Variants in INSR observed in about 807,000 individuals in gnomAD.
INSR encodes insulin receptor, also known as IR.
Under a neutral mutation model 142.6 loss-of-function variants are expected in INSR, and 67 were observed. That is an observed-to-expected ratio of 0.47 (90% CI 0.39 to 0.58). INSR has a LOEUF of 0.58. Ranked by LOEUF, INSR falls within the 20% of genes least tolerant of loss-of-function variation. INSR has a pLI of 0.00. For missense variants in INSR, 1,248 were observed against 1,833.2 expected, an observed-to-expected ratio of 0.68 and a Z score of 5.83; for synonymous variants, 756 against 743.1, an observed-to-expected ratio of 1.02 and a Z score of -0.28.
At chr19:7,213,487 GC>G (rs1160193838) in intron 2 of INSR, among the ~76,000 whole-genome samples, 5 of 152,022 alleles carry the variant, frequency 3.3e-5, no homozygotes, top group Non-Finnish European at 5.9e-5. Flanking sequence ...ATTCTCTCTT[GC>G]AGGTCCTTTA....
intron 2 of INSR, among the ~76,000 whole-genome samples, chr19:7,189,826 G>T (rs1287646286): frequency 6.6e-6 from 1 of 151,910 alleles, no homozygotes; most frequent in Non-Finnish European, 1.5e-5. Context: ...ACCATGCCTG[G>T]ATAATTTTTG....
At chr19:7,209,475 G>C (rs1342085793) in intron 2 of INSR, among the ~76,000 whole-genome samples, 1 of 152,018 alleles carries the variant, frequency 6.6e-6, no homozygotes, top group Non-Finnish European at 1.5e-5. Flanking sequence ...TGTCACCCAG[G>C]CTGCCTATCA....
rs935523253 is a variant in INSR, at chr19:7,150,618, G to A, written c.2232-86C>T. ...GCTCTGACACTTGGAGGCCACATGTGTCCGAGTAAGGGCACCCTGGCTTTG... is the reference window on the plus strand; with the variant it reads ...GCTCTGACACTTGGAGGCCACATGTATCCGAGTAAGGGCACCCTGGCTTTG... On this transcript the variant is annotated intron_variant, in intron 10 of 21. Coordinates refer to ENST00000302850, the MANE Select transcript of INSR (RefSeq NM_000208.4). The surrounding 1 kb of genome is among the most constrained non-coding windows in gnomAD (Gnocchi z 4.2). The A allele has an allele frequency of 3.0e-6, 4 of 1,319,884 alleles. No homozygotes were observed. The highest frequency in any genetic ancestry group is 1.4e-5 in the African/African-American group (1 of 69,246). 81.8% of individuals were successfully genotyped at this position (1,319,884 alleles called of 1,614,324 possible). A position where few individuals can be genotyped will look rare whatever the true frequency, so the allele number is the denominator to read the frequency against.
In INSR at chr19:7,119,779, C is replaced by T. The variant is rs375179509; in HGVS notation, c.3660-196G>A. 3.4e-4 allele frequency among the ~76,000 whole-genome samples: 52 copies of T among 151,720 alleles called. No homozygotes were observed. The highest frequency in any genetic ancestry group is 1.2e-3 in the African/African-American group (51 of 41,318). On this transcript the variant is annotated intron_variant, in intron 20 of 21. Coordinates refer to ENST00000302850, the MANE Select transcript of INSR (RefSeq NM_000208.4). This position sits in a 1 kb window ranked among gnomAD's most constrained non-coding sequence, Gnocchi z 5.2. ...GCAAATACACACAAACACGCATGCGCACACATGCACACACAAATATGCAAA... is the reference window on the plus strand; with the variant it reads ...GCAAATACACACAAACACGCATGCGTACACATGCACACACAAATATGCAAA...
At chr19:7,280,275 CA>C (rs889787647) in intron 1 of INSR, among the ~76,000 whole-genome samples, 2 of 150,952 alleles carry the variant, frequency 1.3e-5, no homozygotes, top group African/African-American at 4.9e-5. Context: ...TAACAAAAAA[CA>C]AAAAAACAAA....
At chr19:7,123,681 G>T (rs1972550121) in intron 17 of INSR, among the ~76,000 whole-genome samples, 1 of 152,110 alleles carries the variant, frequency 6.6e-6, no homozygotes, top group Admixed American at 6.6e-5. Flanking sequence ...CCAGCACTTT[G>T]GGAGGCTGAG....
intron 2 of INSR, among the ~76,000 whole-genome samples, chr19:7,204,246 G>T (rs992836036): frequency 3.3e-5 from 5 of 152,060 alleles, no homozygotes; most frequent in Admixed American, 3.3e-4. Context: ...GTAGAGTTGG[G>T]GTTTCACCAT....
Position 7,263,388 on chromosome 19 carries a change from G to T in INSR, c.652+3957C>A, listed in dbSNP as rs192842440. On this transcript the variant is annotated intron_variant, in intron 2 of 21. Transcript: ENST00000302850. ...AAGCTGAGTTGCTCTCAAAGACAGG[G>T]GCAACAGTTCAAAAAACAATCATTT... Among the ~76,000 whole-genome samples the T allele has an allele frequency of 6.2e-3, 947 of 152,150 alleles. 4 individuals carry two copies. Among genetic ancestry groups the T allele is most frequent in the Non-Finnish European group, 0.011 (754 of 67,996 alleles).
At chr19:7,163,635 C>T (rs1290738333) in intron 8 of INSR, among the ~76,000 whole-genome samples, 2 of 151,380 alleles carry the variant, frequency 1.3e-5, no homozygotes, top group African/African-American at 4.8e-5. Flanking sequence ...CCCAAAGTAA[C>T]GGAGGTGGCC....
intron 2 of INSR, among the ~76,000 whole-genome samples, chr19:7,232,662 C>T (rs1237858906): frequency 2.6e-5 from 4 of 151,880 alleles, no homozygotes; most frequent in Non-Finnish European, 4.4e-5. Context: ...TACAAAAAAT[C>T]AGCCAGGCGT....
chr19:7,141,472 T>G (rs1389338969), intron 13 of INSR: 13 of 654,282 alleles, frequency 2.0e-5, no homozygotes, highest in Non-Finnish European at 3.4e-5. Flanking sequence ...TGTGAGAAAC[T>G]AAGAAAAGTA....
At position 7,265,466 on chromosome 19, in the gene INSR, C is replaced by G. The variant is rs529001559; in HGVS notation, c.652+1879G>C. ...AATAATAATTAAAATATAGGCTGGG[C>G]GCGGTGGCTCACGCCTGTAATCCCA... On this transcript the variant is annotated intron_variant, in intron 2 of 21. Transcript: ENST00000302850. Among the ~76,000 whole-genome samples the G allele has an allele frequency of 9.9e-5, 15 of 152,154 alleles. No individual in the cohort carries two copies. In the South Asian group the frequency reaches 3.1e-3, roughly 32 times the overall value.
intron 2 of INSR, among the ~76,000 whole-genome samples, chr19:7,207,896 GAAGGA>G (rs1975148327): frequency 8.0e-6 from 1 of 124,506 alleles, no homozygotes; most frequent in African/African-American, 3.1e-5. Flanking sequence ...GAGAAGGAAG[GAAGGA>G]AAGGAAGGAA....
chr19:7,202,996 G>GGTTTTTTT (rs1555751313), intron 2 of INSR, among the ~76,000 whole-genome samples: 1 of 67,774 alleles, frequency 1.5e-5, no homozygotes, highest in African/African-American at 3.8e-5. Flanking sequence ...GGGTTTTGTT[G>GGTTTTTTT]TTTTTTTTTT....
chr19:7,148,547 G>A (rs540199433), intron 11 of INSR, among the ~76,000 whole-genome samples: 65 of 130,202 alleles, frequency 5.0e-4, no homozygotes, highest in African/African-American at 1.9e-3. Flanking sequence ...GCGAGATCTC[G>A]GCTCACCGCA....
At chr19:7,184,183 T>C (rs907979287) in intron 3 of INSR, 133 bp downstream of exon 3, 8 of 772,646 alleles carry the variant, frequency 1.0e-5, no homozygotes, top group Admixed American at 4.2e-5. Context: ...AAAAGTAGCA[T>C]CTGAGAGCAG....
At position 7,153,157 on chromosome 19, in the gene INSR, C is replaced by A. The variant is rs1251161803; in HGVS notation, c.2030-230G>T. Among the ~76,000 whole-genome samples, 277 of 143,292 alleles carry A rather than the reference C, an allele frequency of 1.9e-3. 42 individuals are homozygous for A. Among genetic ancestry groups the A allele is most frequent in the African/African-American group, 7.4e-3 (268 of 36,006 alleles). The allele number at this position is 143,292 out of a possible 152,430, so 94.0% of individuals were successfully genotyped here. On this transcript the variant is annotated intron_variant, in intron 9 of 21. Coordinates refer to ENST00000302850, the MANE Select transcript of INSR (RefSeq NM_000208.4). ...CACACCACACACACCACACAACACA[C>A]CACACATACACACACCACAAACACA... is the stretch of plus-strand genomic sequence containing the variant.
At chr19:7,169,217 C>T (rs1333288202) in intron 6 of INSR, among the ~76,000 whole-genome samples, 1 of 152,126 alleles carries the variant, frequency 6.6e-6, no homozygotes, top group Non-Finnish European at 1.5e-5. Flanking sequence ...ACTCTCCCAG[C>T]CCTATCCTCC....
rs1399330667 is a variant in INSR, at chr19:7,143,010, G to A, written c.2348C>T (p.Thr783Ile). The part of the protein sequence containing the change: ...AVPTVAAFPN[T>I]SSTSVPTSPE... ...ACTCGTGGGCACGCTGGTCGAGGAA[G>A]TGTTGGGGAAAGCTGCCACCGTGGG... Residue 783 changes from threonine to isoleucine, a missense_variant, in exon 12 of 22, where the codon ACT becomes ATT. By Grantham distance (89) the Thr-to-Ile change is moderately conservative. Around this residue, in one of 3 missense-constraint regions of INSR, gnomAD observed 1,069 missense variants for 1,654.0 expected, o/e 0.65. Transcript: ENST00000302850. The A allele has an allele frequency of 4.3e-6, 7 of 1,614,204 alleles. No homozygotes were observed. The highest frequency in any genetic ancestry group is 1.3e-5 in the African/African-American group (1 of 75,062).
Sources: allele counts gnomAD v4.1 joint callset (sites outside exome capture counted in the v4.1 genomes callset), GRCh38; gene constraint gnomAD v4.1.1; regional missense constraint gnomAD v4.1.1; non-coding constraint Gnocchi (gnomAD v3.1); transcripts MANE v1.5; gene names NCBI Gene and HGNC (gene_info 2026-07-23, HGNC 2026-07-21).